The following MAGI2 variants were observed in gnomAD, a reference collection of about 807,000 sequenced individuals.
The protein encoded by MAGI2 is membrane-associated guanylate kinase, WW and PDZ domain-containing protein 2.
MAGI2 carries 35 observed loss-of-function variants against 133.3 expected under a neutral mutation model. The ratio of observed to expected loss-of-function variants is 0.26; its 90% confidence interval spans 0.20 to 0.35. The LOEUF (loss-of-function observed/expected upper bound fraction) is 0.35, where lower values mean the gene tolerates loss of function less well. Among genes scored for constraint, MAGI2 ranks in the 10% least tolerant of loss-of-function variants. The pLI, the probability that MAGI2 is intolerant of heterozygous loss-of-function variation, is 1.00. For missense variants in MAGI2, 1,636 were observed against 1,863.4 expected, an observed-to-expected ratio of 0.88 and a Z score of 2.25; for synonymous variants, 729 against 710.6, an observed-to-expected ratio of 1.03 and a Z score of -0.41.
chr7:79,255,394 T>C (rs780946426), intron 1 of MAGI2, among the ~76,000 whole-genome samples: 10 of 152,130 alleles, frequency 6.6e-5, no homozygotes, highest in Non-Finnish European at 1.5e-4. Context: ...TCGCATGAAG[T>C]GTAAGGTATT....
chr7:78,787,168 G>C (rs192505807), intron 2 of MAGI2, among the ~76,000 whole-genome samples: 1 of 152,010 alleles, frequency 6.6e-6, no homozygotes, highest in African/African-American at 2.4e-5. Flanking sequence ...GGCTGGTCTC[G>C]ATCTCCTGAC....
At chr7:78,121,238 A>T (rs1161857357) in intron 20 of MAGI2, among the ~76,000 whole-genome samples, 3 of 151,656 alleles carry the variant, frequency 2.0e-5, no homozygotes, top group African/African-American at 7.3e-5. Context: ...CTATAAAAAA[A>T]AAAAAAAGGG....
At chr7:78,613,567 A>G (rs998891606) in intron 3 of MAGI2, among the ~76,000 whole-genome samples, 1 of 152,250 alleles carries the variant, frequency 6.6e-6, no homozygotes, top group Admixed American at 6.5e-5. Context: ...GCATAAAGTA[A>G]AAGTACAGAA....
At chr7:78,295,335 A>G (rs1409652488) in intron 9 of MAGI2, among the ~76,000 whole-genome samples, 1 of 152,194 alleles carries the variant, frequency 6.6e-6, no homozygotes, top group East Asian at 1.9e-4. Context: ...CTATGTGAAT[A>G]AATCCATCTC....
chr7:78,799,724 T>G (rs1407670228), intron 2 of MAGI2, among the ~76,000 whole-genome samples: 1 of 152,200 alleles, frequency 6.6e-6, no homozygotes, highest in African/African-American at 2.4e-5. Context: ...TCCTCAGAAG[T>G]GCTTTACTTC....
intron 3 of MAGI2, among the ~76,000 whole-genome samples, chr7:78,563,986 ATTTT>A (rs896348065): frequency 1.3e-5 from 2 of 152,020 alleles, no homozygotes; most frequent in Non-Finnish European, 2.9e-5. Flanking sequence ...TTGAATAGGT[ATTTT>A]TTTTAAGTTG....
At chr7:79,276,994 T>C (rs559910565) in intron 1 of MAGI2, among the ~76,000 whole-genome samples, 2 of 151,834 alleles carry the variant, frequency 1.3e-5, no homozygotes, top group East Asian at 1.9e-4. Context: ...TAATAAAATA[T>C]ATAAACTTAG....
At chr7:78,506,570 G>C (rs1476106755) in intron 4 of MAGI2, among the ~76,000 whole-genome samples, 1 of 152,160 alleles carries the variant, frequency 6.6e-6, no homozygotes, top group African/African-American at 2.4e-5. Context: ...GGCAGCCATG[G>C]AAGCAATGAG....
At chr7:78,155,714 C>A (rs185514297) in intron 16 of MAGI2, among the ~76,000 whole-genome samples, 32 of 152,324 alleles carry the variant, frequency 2.1e-4, no homozygotes, top group African/African-American at 7.0e-4. Context: ...AACCTGTCTA[C>A]TCCTATGCAA....
chr7:79,033,625 C>G (rs1810821214), intron 1 of MAGI2, among the ~76,000 whole-genome samples: 2 of 152,134 alleles, frequency 1.3e-5, no homozygotes, highest in South Asian at 4.1e-4. Context: ...CATTAGGAAT[C>G]TTGGAAATTA....
At chr7:78,723,912 C>G (rs1343535012) in intron 2 of MAGI2, among the ~76,000 whole-genome samples, 4 of 152,002 alleles carry the variant, frequency 2.6e-5, no homozygotes, top group African/African-American at 9.7e-5. Flanking sequence ...AAGCCACACT[C>G]GGGAATAACA....
At chr7:78,877,568 C>T (rs2151535724) in intron 2 of MAGI2, among the ~76,000 whole-genome samples, 1 of 152,242 alleles carries the variant, frequency 6.6e-6, no homozygotes, top group African/African-American at 2.4e-5. Flanking sequence ...TCTTGAGGGG[C>T]AAGGGTTGAA....
In MAGI2 at chr7:78,984,397, C is replaced by T. The variant is rs374757063; in HGVS notation, c.418+22693G>A. ...AAGTCAAAGCCTTTATCACCACAGC[C>T]TATGTGTCCCTACATTGCCTCCCTC... is the stretch of plus-strand genomic sequence containing the variant. On this transcript the variant is annotated intron_variant, in intron 2 of 21. Coordinates refer to ENST00000354212, the MANE Select transcript of MAGI2 (RefSeq NM_012301.4). Among the ~76,000 whole-genome samples the T allele has an allele frequency of 2.0e-4, 31 of 152,048 alleles. No homozygotes were observed. In the South Asian group the frequency reaches 6.0e-3, roughly 30 times the overall value.
At chr7:78,787,238 G>T (rs550308589) in intron 2 of MAGI2, among the ~76,000 whole-genome samples, 1 of 152,150 alleles carries the variant, frequency 6.6e-6, no homozygotes, top group African/African-American at 2.4e-5. Flanking sequence ...GAGCCATTGC[G>T]CCTGGCCTCG....
At chr7:78,832,137 A>C (rs1791222323) in intron 2 of MAGI2, among the ~76,000 whole-genome samples, 1 of 151,762 alleles carries the variant, frequency 6.6e-6, no homozygotes, top group African/African-American at 2.4e-5. Flanking sequence ...ACCCTAACTA[A>C]AGCTGCTCAA....
At chr7:79,374,027 A>G (rs1276824872) in intron 1 of MAGI2, among the ~76,000 whole-genome samples, 3 of 152,090 alleles carry the variant, frequency 2.0e-5, no homozygotes, top group African/African-American at 7.2e-5. Flanking sequence ...AAGCTCTTCA[A>G]GACATATAAC....
At chr7:79,264,057 A>G (rs528664679) in intron 1 of MAGI2, among the ~76,000 whole-genome samples, 1 of 152,302 alleles carries the variant, frequency 6.6e-6, no homozygotes, top group Non-Finnish European at 1.5e-5. Flanking sequence ...TTTTTAAAGT[A>G]GAAAGAAAAG....
intron 1 of MAGI2, among the ~76,000 whole-genome samples, chr7:79,444,803 G>GA (rs1263193887): frequency 6.6e-6 from 1 of 151,958 alleles, no homozygotes; most frequent in Admixed American, 6.6e-5. Flanking sequence ...CACAGAATTG[G>GA]AAAAAAACTA....
intron 21 of MAGI2, among the ~76,000 whole-genome samples, chr7:78,024,788 G>C (rs1324375202): frequency 6.6e-6 from 1 of 151,900 alleles, no homozygotes; most frequent in Non-Finnish European, 1.5e-5. Flanking sequence ...TCAGAAAAGA[G>C]AAGTATAGTC....
Sources: allele counts gnomAD v4.1 joint callset (sites outside exome capture counted in the v4.1 genomes callset), GRCh38; gene constraint gnomAD v4.1.1; transcripts MANE v1.5; gene names NCBI Gene and HGNC (gene_info 2026-07-23, HGNC 2026-07-21).